RERE: variants seen among roughly 807,000 people sequenced by gnomAD.
The protein encoded by RERE is arginine-glutamic acid dipeptide repeats protein.
A neutral mutation model predicts 146.1 loss-of-function variants in RERE; 40 were observed. That is an observed-to-expected ratio of 0.27 (90% CI 0.21 to 0.36). The LOEUF is 0.36. Ranked by LOEUF, RERE falls within the 10% of genes least tolerant of loss-of-function variation. RERE has a pLI of 1.00. For missense variants in RERE, 1,933 were observed against 2,138.7 expected (o/e 0.90, Z 1.90); for synonymous variants, 1,003 against 866.0 (o/e 1.16, Z -2.78).
At chr1:8,795,215 G>A (rs1411079493) in intron 1 of RERE, among the ~76,000 whole-genome samples, 2 of 151,970 alleles carry the variant, frequency 1.3e-5, no homozygotes, top group Admixed American at 1.3e-4. Context: ...TAGTAGAGAT[G>A]GGGTTTCATC....
At chr1:8,569,238 C>T (rs1295613214) in intron 4 of RERE, among the ~76,000 whole-genome samples, 2 of 141,942 alleles carry the variant, frequency 1.4e-5, no homozygotes, top group Non-Finnish European at 3.0e-5. Flanking sequence ...TTAAACAGTC[C>T]ATTAAATTTC....
chr1:8,441,429 A>G (rs757897562), intron 11 of RERE, among the ~76,000 whole-genome samples: 37 of 152,200 alleles, frequency 2.4e-4, no homozygotes, highest in Non-Finnish European at 4.7e-4. Flanking sequence ...TCCCATCTGG[A>G]AGGCTACCAG....
At chr1:8,369,508 T>TAAAAAAAAAAAAAAAAAAAAAAAAAA (rs1186718390) in intron 12 of RERE, among the ~76,000 whole-genome samples, 6 of 76,888 alleles carry the variant, frequency 7.8e-5, no homozygotes, top group African/African-American at 2.1e-4. Flanking sequence ...CGCCTTTTAC[T>TAAAAAAAAAAAAAAAAAAAAAAAAAA]AAAAAAAAAA....
chr1:8,456,236 A>G (rs372510137), intron 11 of RERE, among the ~76,000 whole-genome samples: 74 of 152,308 alleles, frequency 4.9e-4, no homozygotes, highest in African/African-American at 1.7e-3. Flanking sequence ...TGACATCTAC[A>G]GTTTTAAGTT....
intron 12 of RERE, among the ~76,000 whole-genome samples, chr1:8,391,034 C>T (rs894063147): frequency 6.6e-6 from 1 of 152,220 alleles, no homozygotes; most frequent in African/African-American, 2.4e-5. Flanking sequence ...CACACTGACT[C>T]CTACCTGGCG....
intron 10 of RERE, among the ~76,000 whole-genome samples, chr1:8,469,916 A>G (rs1644657826): frequency 6.6e-6 from 1 of 152,130 alleles, no homozygotes; most frequent in Non-Finnish European, 1.5e-5. Context: ...TCTAGTGATG[A>G]GCTTAATGGG....
intron 2 of RERE, among the ~76,000 whole-genome samples, chr1:8,648,385 C>T (rs535389754): frequency 1.3e-5 from 2 of 152,230 alleles, no homozygotes; most frequent in African/African-American, 4.8e-5. Context: ...GAGCACACCA[C>T]CAAGCCCGGC....
intron 8 of RERE, among the ~76,000 whole-genome samples, chr1:8,503,099 T>A (rs1408977834): frequency 1.7e-4 from 24 of 143,350 alleles, no homozygotes; most frequent in African/African-American, 6.3e-4. Flanking sequence ...AATAAATAAA[T>A]AAATAAATAA....
At chr1:8,482,901 A>G (rs1644854729) in intron 10 of RERE, among the ~76,000 whole-genome samples, 1 of 152,170 alleles carries the variant, frequency 6.6e-6, no homozygotes, top group African/African-American at 2.4e-5. Flanking sequence ...ATATATTATT[A>G]TGCTAATAAT....
chr1:8,559,280 CAAAAAAAAAAAAAAAAA>C (rs548075266), intron 4 of RERE, among the ~76,000 whole-genome samples: 1 of 12,086 alleles, frequency 8.3e-5, no homozygotes, highest in Non-Finnish European at 1.6e-4. Context: ...AACTCCAGCT[CAAAAAAAAAAAAAAAAA>C]AAAAAAACAG....
chr1:8,501,337 G>A lies in RERE; in HGVS notation c.880-3808C>T, dbSNP rs554119179. 1.3e-3 allele frequency among the ~76,000 whole-genome samples: 145 copies of A among 110,810 alleles called. 3 individuals carry two copies. Among genetic ancestry groups the A allele is most frequent in the African/African-American group, 5.7e-3 (143 of 25,286 alleles). 72.7% of individuals were successfully genotyped at this position (110,810 alleles called of 152,430 possible). ...CGCCCCGTCCGGGAGGGAGGTGGGG[G>A]GTCAGCACCCCGCCCGGCCAGCCGC... On this transcript the variant is annotated intron_variant, in intron 8 of 22. Coordinates refer to ENST00000400908, the MANE Select transcript of RERE (RefSeq NM_001042681.2).
At chr1:8,477,327 C>T (rs78245823) in intron 10 of RERE, among the ~76,000 whole-genome samples, 4,130 of 152,232 alleles carry the variant, frequency 0.027, 173 homozygotes, top group African/African-American at 0.095. Flanking sequence ...ACTCTGGCCA[C>T]AGGGAGAAAA....
At chr1:8,770,878 T>G (rs568971821) in intron 1 of RERE, among the ~76,000 whole-genome samples, 1 of 152,338 alleles carries the variant, frequency 6.6e-6, no homozygotes, top group South Asian at 2.1e-4. Flanking sequence ...GGAGGCAGTC[T>G]AAACATCTAT....
intron 1 of RERE, among the ~76,000 whole-genome samples, chr1:8,722,789 A>G (rs1022479827): frequency 6.6e-6 from 1 of 152,212 alleles, no homozygotes; most frequent in Non-Finnish European, 1.5e-5. Flanking sequence ...GAGGATGTGC[A>G]TAGGTTACAT....
intron 1 of RERE, among the ~76,000 whole-genome samples, chr1:8,672,103 C>T (rs1186700687): frequency 6.6e-6 from 1 of 151,856 alleles, no homozygotes; most frequent in Admixed American, 6.6e-5. Context: ...ATAGCAAGCT[C>T]CCATATCTCC....
At chr1:8,714,411 C>T (rs1639723774) in intron 1 of RERE, among the ~76,000 whole-genome samples, 1 of 152,150 alleles carries the variant, frequency 6.6e-6, no homozygotes, top group African/African-American at 2.4e-5. Flanking sequence ...AATAGAGTAA[C>T]GCCTTCAAAT....
intron 11 of RERE, among the ~76,000 whole-genome samples, chr1:8,454,836 AC>A (rs948766064): frequency 1.1e-4 from 17 of 149,934 alleles, no homozygotes; most frequent in Middle Eastern, 3.4e-3. Flanking sequence ...ACAAAAAAAA[AC>A]CCCCACAAAA....
intron 1 of RERE, among the ~76,000 whole-genome samples, chr1:8,706,894 A>G (rs1639570397): frequency 6.6e-6 from 1 of 152,230 alleles, no homozygotes; most frequent in Non-Finnish European, 1.5e-5. Flanking sequence ...ATAATTTTTC[A>G]GGTGTTTTGC....
intron 12 of RERE, 79 bp from the exon 13 acceptor site, chr1:8,366,053 A>G: frequency 7.0e-7 from 1 of 1,421,616 alleles, no homozygotes; most frequent in Non-Finnish European, 9.7e-7. Context: ...CCACAGTGGA[A>G]AGCTGGGTGT....
Sources: allele counts gnomAD v4.1 joint callset (sites outside exome capture counted in the v4.1 genomes callset), GRCh38; gene constraint gnomAD v4.1.1; transcripts MANE v1.5; gene names NCBI Gene and HGNC (gene_info 2026-07-23, HGNC 2026-07-21).